ROR2: variants seen among roughly 807,000 people sequenced by gnomAD.
ROR2 encodes ROR family WNT receptor 2, also known as tyrosine-protein kinase transmembrane receptor ROR2.
A neutral mutation model predicts 74.9 loss-of-function variants in ROR2; 33 were observed. The observed-to-expected ratio is 0.44, with a 90% CI of 0.33 to 0.59. The LOEUF (loss-of-function observed/expected upper bound fraction) is 0.59. Ranked by LOEUF, ROR2 falls within the 20% of genes least tolerant of loss-of-function variation. The probability of loss-of-function intolerance (pLI) is 0.02; values close to 1 mark genes in which losing one functional copy is unlikely to be tolerated. For synonymous variants in ROR2, 586 were observed against 558.7 expected, an observed-to-expected ratio of 1.05 and a Z score of -0.69; for missense variants, 1,216 against 1,313.8, an observed-to-expected ratio of 0.93 and a Z score of 1.15.
At chr9:91,890,640 T>C (rs570116256) in intron 1 of ROR2, among the ~76,000 whole-genome samples, 147 of 152,366 alleles carry the variant, frequency 9.6e-4, no homozygotes, top group African/African-American at 3.2e-3. Flanking sequence ...TAGTTGTCAG[T>C]TGATTCCCTT....
intron 1 of ROR2, among the ~76,000 whole-genome samples, chr9:91,832,676 G>A (rs981566541): frequency 5.3e-5 from 8 of 152,154 alleles, no homozygotes; most frequent in Admixed American, 3.9e-4. Context: ...CCCTGTGGTC[G>A]GCCCCATGGA....
chr9:91,929,093 T>A (rs1831484699), intron 1 of ROR2, among the ~76,000 whole-genome samples: 3 of 152,230 alleles, frequency 2.0e-5, no homozygotes. Context: ...TTTGACTTTT[T>A]GTGGCTCCAC....
intron 1 of ROR2, among the ~76,000 whole-genome samples, chr9:91,833,734 C>T (rs868666644): frequency 9.2e-5 from 14 of 152,090 alleles, no homozygotes; most frequent in South Asian, 8.3e-4. Context: ...GGCCTCAACA[C>T]GCAGAAGGAG....
chr9:91,769,558 C>T (rs1197646687), intron 2 of ROR2, among the ~76,000 whole-genome samples: 1 of 152,166 alleles, frequency 6.6e-6, no homozygotes, highest in Non-Finnish European at 1.5e-5. Flanking sequence ...TGCGTGCCCA[C>T]CGTGAGACTG....
chr9:91,833,921 G>A (rs1828541211), intron 1 of ROR2, among the ~76,000 whole-genome samples: 1 of 152,154 alleles, frequency 6.6e-6, no homozygotes. Context: ...TTCGAGCCAT[G>A]GGATTTCTCT....
intron 1 of ROR2, among the ~76,000 whole-genome samples, chr9:91,821,943 A>T (rs963800720): frequency 6.6e-5 from 10 of 152,200 alleles, no homozygotes; most frequent in Admixed American, 6.5e-4. Flanking sequence ...GTTTAGTGAA[A>T]GGTGGACACA....
chr9:91,873,257 CT>C (rs980837422), intron 1 of ROR2, among the ~76,000 whole-genome samples: 1 of 152,198 alleles, frequency 6.6e-6, no homozygotes, highest in African/African-American at 2.4e-5. Flanking sequence ...TAGACTACTA[CT>C]GGAAGCTCTC....
intron 1 of ROR2, among the ~76,000 whole-genome samples, chr9:91,940,597 T>C (rs1248718569): frequency 6.6e-6 from 1 of 151,258 alleles, no homozygotes; most frequent in African/African-American, 2.4e-5. Flanking sequence ...TGCAATTCTT[T>C]TTTTTTTTTT....
intron 1 of ROR2, among the ~76,000 whole-genome samples, chr9:91,787,858 A>T (rs1826851242): frequency 6.6e-6 from 1 of 152,236 alleles, no homozygotes; most frequent in Admixed American, 6.5e-5. Context: ...TTTGGGACTT[A>T]ACAGACAAAC....
chr9:91,834,784 G>A (rs1301948083), intron 1 of ROR2, among the ~76,000 whole-genome samples: 1 of 152,156 alleles, frequency 6.6e-6, no homozygotes, highest in Non-Finnish European at 1.5e-5. Flanking sequence ...GGAAGGTGTG[G>A]CCCATCTGCA....
chr9:91,827,159 G>A (rs12552292), intron 1 of ROR2, among the ~76,000 whole-genome samples: 39,719 of 151,754 alleles, frequency 0.26, 5,565 homozygotes, highest in Admixed American at 0.43. Context: ...TTGTTATATT[G>A]CCCCCTAACT....
At chr9:91,922,102 A>ACAG (rs1831283539) in intron 1 of ROR2, among the ~76,000 whole-genome samples, 1 of 127,706 alleles carries the variant, frequency 7.8e-6, no homozygotes, top group Non-Finnish European at 1.8e-5. Flanking sequence ...AACAACAGCA[A>ACAG]CAACAACAAC....
At chr9:91,862,800 C>T (rs1399938825) in intron 1 of ROR2, among the ~76,000 whole-genome samples, 2 of 152,256 alleles carry the variant, frequency 1.3e-5, no homozygotes, top group Non-Finnish European at 1.5e-5. Context: ...GTGAGAAATA[C>T]ATTTCTGTTG....
At position 91,723,655 on chromosome 9, in the gene ROR2, G is replaced by A. The variant is rs1291004964; in HGVS notation, c.*7C>T. ...TTCTATCCCCGAACCCCGGGCCCTG[G>A]TGCCACTCAAGCTTCCAGCTGGACT... On this transcript the variant is annotated 3_prime_UTR_variant, in exon 9 of 9. Coordinates refer to ENST00000375708, the MANE Select transcript of ROR2 (RefSeq NM_004560.4). 1.2e-6 allele frequency: 2 copies of A among 1,613,136 alleles called. No homozygotes were observed. Among genetic ancestry groups the A allele is most frequent in the Admixed American group, 1.7e-5 (1 of 60,022 alleles).
chr9:91,904,641 C>A (rs981996101), intron 1 of ROR2, among the ~76,000 whole-genome samples: 2 of 152,096 alleles, frequency 1.3e-5, no homozygotes, highest in Non-Finnish European at 2.9e-5. Context: ...TAGGAGGGCA[C>A]CCAGTGGCAG....
Position 91,726,666 on chromosome 9 carries a change from G to A in ROR2, c.1261C>T (p.Leu421Phe). 2 of 1,613,996 alleles carry A rather than the reference G, an allele frequency of 1.2e-6. No homozygotes were observed. Among genetic ancestry groups the A allele is most frequent in the Non-Finnish European group, 1.7e-6 (2 of 1,180,030 alleles). ...SIAIPLVIAC[L>F]FFLVCMCRNK... ...CGGCACATGCAAACCAAGAAGAAAAGGCAAGCGATGACCAGTGGAATTGCG... is the reference window on the plus strand; with the variant it reads ...CGGCACATGCAAACCAAGAAGAAAAAGCAAGCGATGACCAGTGGAATTGCG... Residue 421 changes from leucine (L) to phenylalanine (F), a missense_variant, in exon 8 of 9, where the codon CTT becomes TTT. Leu to Phe is a conservative substitution (Grantham distance 22). Coordinates refer to ENST00000375708, the MANE Select transcript of ROR2 (RefSeq NM_004560.4).
chr9:91,930,155 C>A (rs1159805533), intron 1 of ROR2, among the ~76,000 whole-genome samples: 1 of 152,206 alleles, frequency 6.6e-6, no homozygotes, highest in Non-Finnish European at 1.5e-5. Flanking sequence ...TCTAGCCACA[C>A]ATTAGAGTCA....
intron 1 of ROR2, among the ~76,000 whole-genome samples, chr9:91,819,658 C>CTGTGTCTTTCAGTG (rs753453917): frequency 1.3e-5 from 2 of 151,672 alleles, no homozygotes; most frequent in Non-Finnish European, 1.5e-5. Flanking sequence ...TTCTCTGTGT[C>CTGTGTCTTTCAGTG]TGTGTCTTTC....
intron 1 of ROR2, among the ~76,000 whole-genome samples, chr9:91,839,822 T>C (rs1828730208): frequency 6.6e-6 from 1 of 151,910 alleles, no homozygotes; most frequent in African/African-American, 2.4e-5. Flanking sequence ...AGAAGTCGGT[T>C]TTCTCCACCG....
Sources: gnomAD v4.1 joint callset for allele counts (sites outside exome capture counted in the v4.1 genomes callset) on GRCh38, gnomAD v4.1.1 for gene constraint, MANE v1.5 for transcripts, NCBI Gene and HGNC (gene_info 2026-07-23, HGNC 2026-07-21) for gene names.